Variants in FRAS1 observed in about 807,000 individuals in gnomAD.
FRAS1 encodes the protein Fraser extracellular matrix complex subunit 1.
Under a neutral mutation model 435.2 loss-of-function variants are expected in FRAS1, and 290 were observed. The observed-to-expected ratio is 0.67, with a 90% CI of 0.61 to 0.73. The LOEUF (loss-of-function observed/expected upper bound fraction) is 0.73, where lower values mean the gene tolerates loss of function less well. Ranked by LOEUF, FRAS1 falls within the 30% of genes least tolerant of loss-of-function variation. The pLI is 0.00. For synonymous variants in FRAS1, 1,800 were observed against 1,851.0 expected, an observed-to-expected ratio of 0.97 and a Z score of 0.71; for missense variants, 4,860 against 5,001.5, an observed-to-expected ratio of 0.97 and a Z score of 0.85.
intron 32 of FRAS1, among the ~76,000 whole-genome samples, chr4:78,413,383 G>T (rs1733427941): frequency 6.6e-6 from 1 of 152,104 alleles, no homozygotes; most frequent in Non-Finnish European, 1.5e-5. Flanking sequence ...GAAATTTCAG[G>T]CTTATGTCCA....
intron 2 of FRAS1, among the ~76,000 whole-genome samples, chr4:78,191,390 G>A (rs9993864): frequency 0.28 from 43,008 of 151,924 alleles, 6,492 homozygotes; most frequent in East Asian, 0.37. Flanking sequence ...CAGTTAAACC[G>A]GCATTTTATT....
At chr4:78,059,827 A>C (rs899161762) in intron 1 of FRAS1, among the ~76,000 whole-genome samples, 3 of 130,200 alleles carry the variant, frequency 2.3e-5, no homozygotes, top group Non-Finnish European at 4.7e-5. Context: ...AGAAGTGCGG[A>C]ATCTAGACTG....
chr4:78,427,719 C>T (rs757584536), intron 35 of FRAS1, among the ~76,000 whole-genome samples: 12 of 152,324 alleles, frequency 7.9e-5, no homozygotes, highest in African/African-American at 2.4e-4. Flanking sequence ...TGGATAATGT[C>T]GTCTTACCTT....
chr4:78,503,095 T>C (rs1720729820), intron 61 of FRAS1, among the ~76,000 whole-genome samples: 1 of 152,204 alleles, frequency 6.6e-6, no homozygotes, highest in Non-Finnish European at 1.5e-5. Flanking sequence ...AGCTTTTTGA[T>C]GTGCTGCTGG....
In FRAS1 at chr4:78,464,527, G is replaced by T. The variant is rs1719468297; in HGVS notation, c.6973G>T (p.Gly2325Cys). The T allele has an allele frequency of 6.2e-7, 1 of 1,613,830 alleles. No homozygotes were observed. The highest frequency in any genetic ancestry group is 8.5e-7 in the Non-Finnish European group (1 of 1,179,864). The change falls in exon 49 of 74, where the codon GGC becomes TGC. Residue 2325 changes from glycine (G) to cysteine (C), a missense_variant. By Grantham distance (159) the Gly-to-Cys change is radical (BLOSUM62 -3). Transcript: ENST00000512123. ...GAACTTAGGAATGCGGGTGCAGGAGGGCATGAGGAAGACCATCACAGAGTT... is the reference window on the plus strand; with the variant it reads ...GAACTTAGGAATGCGGGTGCAGGAGTGCATGAGGAAGACCATCACAGAGTT... ...VQNLGMRVQE[G>C]MRKTITEFEL... is the part of the protein sequence containing the mutation.
intron 14 of FRAS1, among the ~76,000 whole-genome samples, chr4:78,302,124 G>A (rs1728440110): frequency 6.6e-6 from 1 of 151,080 alleles, no homozygotes; most frequent in Non-Finnish European, 1.5e-5. Flanking sequence ...TTGTTCTTGA[G>A]ATAGTTTACT....
intron 22 of FRAS1, 46 bp downstream of exon 22, chr4:78,364,100 C>T: frequency 1.3e-6 from 2 of 1,534,586 alleles, no homozygotes; most frequent in Non-Finnish European, 1.8e-6. Flanking sequence ...CTTTTCCTGC[C>T]TTTCTGGAGC....
chr4:78,175,014 T>C (rs774299297), intron 2 of FRAS1, among the ~76,000 whole-genome samples: 34 of 152,342 alleles, frequency 2.2e-4, no homozygotes, highest in Non-Finnish European at 3.8e-4. Flanking sequence ...ATTTTCATTA[T>C]TGCATCTCAG....
intron 58 of FRAS1, among the ~76,000 whole-genome samples, chr4:78,483,786 A>ATATATATATG (rs1720087309): frequency 1.7e-5 from 1 of 58,388 alleles, no homozygotes; most frequent in Non-Finnish European, 3.8e-5. Flanking sequence ...CTCTCTCTAT[A>ATATATATATG]TATATATATA....
At chr4:78,473,644 G>A in intron 53 of FRAS1, 47 bp downstream of exon 53, 2 of 1,478,846 alleles carry the variant, frequency 1.4e-6, no homozygotes, top group Non-Finnish European at 1.8e-6. Context: ...AATCAGGCAA[G>A]CAGAGGGAGT....
intron 67 of FRAS1, among the ~76,000 whole-genome samples, chr4:78,520,269 T>TCC (rs1361618252): frequency 7.0e-6 from 1 of 143,312 alleles, no homozygotes; most frequent in African/African-American, 2.5e-5. Context: ...TTTTTTTTTT[T>TCC]CCTCATTTTT....
intron 35 of FRAS1, 23 bp downstream of exon 35, chr4:78,424,443 C>G (rs754699544): frequency 3.5e-5 from 47 of 1,328,104 alleles, no homozygotes; most frequent in Non-Finnish European, 4.4e-5. Flanking sequence ...CTAAATTTTA[C>G]TAGAAAGTGA....
At chr4:78,073,349 A>G (rs1740458956) in intron 2 of FRAS1, among the ~76,000 whole-genome samples, 1 of 152,156 alleles carries the variant, frequency 6.6e-6, no homozygotes, top group Admixed American at 6.6e-5. Flanking sequence ...TAACAAACAC[A>G]TTTCTTATGC....
intron 37 of FRAS1, among the ~76,000 whole-genome samples, chr4:78,431,445 G>A (rs960200473): frequency 3.9e-5 from 6 of 152,158 alleles, no homozygotes; most frequent in Admixed American, 3.3e-4. Flanking sequence ...ATAATGCCAC[G>A]AGCACCAGTA....
chr4:78,126,804 G>A (rs576816289), intron 2 of FRAS1, among the ~76,000 whole-genome samples: 16 of 152,274 alleles, frequency 1.1e-4, no homozygotes, highest in African/African-American at 3.9e-4. Flanking sequence ...TTGATATAGA[G>A]TACCATTAAC....
intron 2 of FRAS1, among the ~76,000 whole-genome samples, chr4:78,156,669 T>C (rs1397967858): frequency 6.6e-6 from 1 of 152,190 alleles, no homozygotes. Flanking sequence ...GTCTAAAAAA[T>C]GACCTCTTTC....
chr4:78,489,214 G>A lies in FRAS1; in HGVS notation c.8958+134G>A. 5.3e-6 allele frequency: 4 copies of A among 755,730 alleles called. No homozygotes were observed. In the South Asian group the frequency reaches 8.8e-5, roughly 17 times the overall value. The allele number at this position is 755,730 out of a possible 1,614,324, so 46.8% of individuals were successfully genotyped here. A position where few individuals can be genotyped will look rare whatever the true frequency, so the allele number is the denominator to read the frequency against. ...CAGGTGACCCTTGAACAATGCAGGG[G>A]ATAGGGGTGCCAACTCCCCACACAG... On this transcript the variant is annotated intron_variant, in intron 59 of 73. Transcript: ENST00000512123.
intron 2 of FRAS1, among the ~76,000 whole-genome samples, chr4:78,188,319 AATC>A (rs1722374950): frequency 0.033 from 206 of 6,216 alleles, 4 homozygotes; most frequent in African/African-American, 0.043. Context: ...CTATCTATCT[AATC>A]TATCTATCTA....
intron 20 of FRAS1, among the ~76,000 whole-genome samples, chr4:78,355,158 A>C (rs986993117): frequency 3.9e-5 from 6 of 152,036 alleles, no homozygotes; most frequent in Non-Finnish European, 1.5e-5. Flanking sequence ...AAAACAATAA[A>C]TGCATTTATT....
Sources: allele counts gnomAD v4.1 joint callset (sites outside exome capture counted in the v4.1 genomes callset), GRCh38; gene constraint gnomAD v4.1.1; transcripts MANE v1.5; gene names NCBI Gene and HGNC (gene_info 2026-07-23, HGNC 2026-07-21).